Variants in INPP4B observed in about 807,000 individuals in gnomAD.
The protein encoded by INPP4B is inositol polyphosphate 4-phosphatase type II.
Under a neutral mutation model 122.5 loss-of-function variants are expected in INPP4B, and 55 were observed. The ratio of observed to expected loss-of-function variants is 0.45; its 90% CI spans 0.36 to 0.56. The LOEUF (loss-of-function observed/expected upper bound fraction) is 0.56. Ranked by LOEUF, INPP4B falls within the 20% of genes least tolerant of loss-of-function variation. INPP4B has a pLI of 0.00. For synonymous variants in INPP4B, 403 were observed against 388.7 expected (o/e 1.04, Z -0.43); for missense variants, 1,000 against 1,097.7 (o/e 0.91, Z 1.26).
intron 17 of INPP4B, among the ~76,000 whole-genome samples, chr4:142,153,730 C>A (rs1815650802): frequency 6.6e-6 from 1 of 152,142 alleles, no homozygotes; most frequent in South Asian, 2.1e-4. Context: ...CTTATTCCTA[C>A]ATTAACTCTG....
At chr4:142,173,899 C>T in intron 15 of INPP4B, 90 bp from the exon 16 acceptor site, 2 of 994,982 alleles carry the variant, frequency 2.0e-6, no homozygotes, top group Non-Finnish European at 3.2e-6. Context: ...AACAGAACTC[C>T]AAGTATCACT....
At chr4:142,300,274 A>C (rs890968153) in intron 9 of INPP4B, among the ~76,000 whole-genome samples, 1 of 152,106 alleles carries the variant, frequency 6.6e-6, no homozygotes, top group Non-Finnish European at 1.5e-5. Flanking sequence ...TATCACTCTG[A>C]CTATGCTTGT....
intron 1 of INPP4B, among the ~76,000 whole-genome samples, chr4:142,827,801 T>C (rs1781626108): frequency 1.3e-5 from 2 of 152,182 alleles, no homozygotes; most frequent in Non-Finnish European, 2.9e-5. Context: ...ATTCAACACA[T>C]GTGAATTGGA....
chr4:142,102,757 G>T (rs776607554), intron 23 of INPP4B, among the ~76,000 whole-genome samples: 3 of 151,908 alleles, frequency 2.0e-5, no homozygotes, highest in Non-Finnish European at 4.4e-5. Context: ...TCTGTCTTAC[G>T]ACTTCTGGTT....
intron 2 of INPP4B, among the ~76,000 whole-genome samples, chr4:142,470,676 G>A (rs1202065815): frequency 6.6e-6 from 1 of 152,134 alleles, no homozygotes; most frequent in Non-Finnish European, 1.5e-5. Flanking sequence ...TGGGAGGCAT[G>A]CAATAAATAT....
intron 25 of INPP4B, among the ~76,000 whole-genome samples, chr4:142,074,711 A>G (rs1769551938): frequency 6.6e-6 from 1 of 152,130 alleles, no homozygotes; most frequent in Non-Finnish European, 1.5e-5. Context: ...TTAAAAGAAG[A>G]TAACTAGATC....
chr4:142,798,406 C>A (rs1580941872), intron 1 of INPP4B, among the ~76,000 whole-genome samples: 1 of 151,758 alleles, frequency 6.6e-6, no homozygotes, highest in African/African-American at 2.4e-5. Context: ...CATGAAAAAA[C>A]TTATTATGGT....
At chr4:142,735,388 C>A (rs1291326099) in intron 1 of INPP4B, among the ~76,000 whole-genome samples, 4 of 152,066 alleles carry the variant, frequency 2.6e-5, no homozygotes, top group Non-Finnish European at 2.9e-5. Context: ...TTAGAAATAA[C>A]ATTATTATCA....
intron 2 of INPP4B, among the ~76,000 whole-genome samples, chr4:142,557,422 C>T (rs904258181): frequency 6.6e-6 from 1 of 152,114 alleles, no homozygotes; most frequent in African/African-American, 2.4e-5. Flanking sequence ...TTGAAGTTCA[C>T]CTAGTCTACC....
chr4:142,448,094 C>T (rs1345964162), intron 3 of INPP4B, among the ~76,000 whole-genome samples: 1 of 151,892 alleles, frequency 6.6e-6, no homozygotes, highest in African/African-American at 2.4e-5. Flanking sequence ...CAGAAAGTGC[C>T]TGCAGTGTAG....
In INPP4B at chr4:142,746,439, C is replaced by T. The variant is rs1768765638; in HGVS notation, c.-253-20538G>A. 2.6e-5 allele frequency among the ~76,000 whole-genome samples: 4 copies of T among 152,084 alleles called. No homozygotes were observed. In the South Asian group the frequency reaches 8.3e-4, roughly 32 times the overall value. ...GAACAATCAATATCATGAAAATGGTCATACTGCCCAAAGTAATTTACAGAT... is the reference window on the plus strand; with the variant it reads ...GAACAATCAATATCATGAAAATGGTTATACTGCCCAAAGTAATTTACAGAT... On this transcript the variant is annotated intron_variant, in intron 1 of 25. Transcript: ENST00000262992.
At chr4:142,175,361 A>ATTTT (rs113346898) in intron 15 of INPP4B, among the ~76,000 whole-genome samples, 1 of 149,792 alleles carries the variant, frequency 6.7e-6, no homozygotes, top group Admixed American at 6.7e-5. Context: ...TAAGGAAACA[A>ATTTT]TTTTTTTTTT....
At chr4:142,534,059 T>C (rs1322305994) in intron 2 of INPP4B, among the ~76,000 whole-genome samples, 1 of 152,216 alleles carries the variant, frequency 6.6e-6, no homozygotes, top group Non-Finnish European at 1.5e-5. Context: ...CCCGGGTATC[T>C]AATTTTAGAG....
chr4:142,363,899 T>C (rs1477652043), intron 7 of INPP4B, among the ~76,000 whole-genome samples: 1 of 152,060 alleles, frequency 6.6e-6, no homozygotes, highest in African/African-American at 2.4e-5. Context: ...GAAGTCACAG[T>C]GTGCTGCTGA....
rs560210499 is a variant in INPP4B, at chr4:142,295,571, A to C, written c.503+9887T>G. ...ATAACATGACTATGTTTCTTGGAAC[A>C]TAGTGTCTAATAAGCTGTTGATAAG... On this transcript the variant is annotated intron_variant, in intron 9 of 25. Coordinates refer to ENST00000262992, the MANE Select transcript of INPP4B (RefSeq NM_001101669.3). Among the ~76,000 whole-genome samples the C allele has an allele frequency of 5.6e-4, 86 of 152,322 alleles. 1 individual carries two copies. The highest frequency in any genetic ancestry group is 2.0e-3 in the African/African-American group (83 of 41,572).
At chr4:142,803,285 T>C (rs1366084531) in intron 1 of INPP4B, among the ~76,000 whole-genome samples, 2 of 151,976 alleles carry the variant, frequency 1.3e-5, no homozygotes, top group African/African-American at 4.8e-5. Context: ...TTACATCTAT[T>C]AGTTAATAAG....
intron 2 of INPP4B, among the ~76,000 whole-genome samples, chr4:142,696,734 T>A (rs1051362538): frequency 6.6e-6 from 1 of 152,180 alleles, no homozygotes; most frequent in Non-Finnish European, 1.5e-5. Flanking sequence ...TAATTCACCA[T>A]GTCCTTTACA....
At chr4:142,182,215 G>A (rs915450101) in intron 15 of INPP4B, among the ~76,000 whole-genome samples, 1 of 152,112 alleles carries the variant, frequency 6.6e-6, no homozygotes, top group African/African-American at 2.4e-5. Context: ...ATAAGTAGGA[G>A]AATTCATGGT....
At chr4:142,535,561 T>C (rs1466060141) in intron 2 of INPP4B, among the ~76,000 whole-genome samples, 1 of 152,168 alleles carries the variant, frequency 6.6e-6, no homozygotes, top group Non-Finnish European at 1.5e-5. Flanking sequence ...AATTGAGCTA[T>C]AGCGAATCTC....
Sources: gnomAD v4.1 joint callset for allele counts (sites outside exome capture counted in the v4.1 genomes callset) on GRCh38, gnomAD v4.1.1 for gene constraint, MANE v1.5 for transcripts, NCBI Gene and HGNC (gene_info 2026-07-23, HGNC 2026-07-21) for gene names.